CSMD2: variants seen among roughly 807,000 people sequenced by gnomAD.
CSMD2 encodes CUB and Sushi multiple domains 2, also known as CUB and sushi domain-containing protein 2.
A neutral mutation model predicts 398.5 loss-of-function variants in CSMD2; 130 were observed. That is an observed-to-expected ratio of 0.33 (90% confidence interval 0.28 to 0.38). The LOEUF (loss-of-function observed/expected upper bound fraction) is 0.38, where lower values mean the gene tolerates loss of function less well. CSMD2 is among the 10% of genes least tolerant of loss of function. The pLI is 1.00. For missense variants in CSMD2, 3,829 were observed against 4,764.9 expected, an observed-to-expected ratio of 0.80 and a Z score of 5.78; for synonymous variants, 1,828 against 1,908.5, an observed-to-expected ratio of 0.96 and a Z score of 1.10.
chr1:33,918,036 C>A, intron 5 of CSMD2, 58 bp downstream of exon 5: 2 of 1,515,700 alleles, frequency 1.3e-6, no homozygotes, highest in East Asian at 2.3e-5. Flanking sequence ...CTGCAAGCAT[C>A]CCAGTAATTC....
chr1:33,637,361 C>A (rs1642867586), intron 29 of CSMD2, among the ~76,000 whole-genome samples: 1 of 152,210 alleles, frequency 6.6e-6, no homozygotes, highest in African/African-American at 2.4e-5. Flanking sequence ...TTGACCCTTA[C>A]ATGTCTTCCC....
chr1:33,592,273 A>C, intron 44 of CSMD2: 2 of 679,668 alleles, frequency 2.9e-6, no homozygotes, highest in Non-Finnish European at 5.4e-6. Flanking sequence ...AAAGTAGAAG[A>C]GCAGCAATCC....
In CSMD2 at chr1:33,646,725, C is replaced by G; in HGVS notation, c.4697G>C (p.Ser1566Thr). The G allele has an allele frequency of 6.2e-7, 1 of 1,614,198 alleles. No individual in the cohort carries two copies. The highest frequency in any genetic ancestry group is 8.5e-7 in the Non-Finnish European group (1 of 1,180,034). Residue 1566 changes from serine (S) to threonine (T), a missense_variant, in exon 29 of 71, where the codon AGC becomes ACC. By Grantham distance (58) the Ser-to-Thr change is moderately conservative. Coordinates refer to ENST00000373381, the MANE Select transcript of CSMD2 (RefSeq NM_001281956.2). ...GGCGAGGAAGAGGCTGTTGCTGCTG[C>G]TTTCAATGCGGCCTGGGAGCTGGGA... ...YGSQLPGRIESSSNSLFLAFR... is the reference protein window; with the variant it reads ...YGSQLPGRIETSSNSLFLAFR...
rs550214353 is a variant in CSMD2, at chr1:33,651,388, A to C, written c.4586+935T>G. Among the ~76,000 whole-genome samples the C allele has an allele frequency of 3.9e-5, 6 of 152,318 alleles. No homozygotes were observed. In the East Asian group the frequency reaches 1.2e-3, roughly 29 times the overall value. On this transcript the variant is annotated intron_variant, in intron 28 of 70. Coordinates refer to ENST00000373381, the MANE Select transcript of CSMD2 (RefSeq NM_001281956.2). Reference sequence around the variant, plus strand: ...AGAAAAAATATGCTTGATTTTGTACATGCTCATTTGCAGTGTCTGCAGGCC... The same window carrying C: ...AGAAAAAATATGCTTGATTTTGTACCTGCTCATTTGCAGTGTCTGCAGGCC...
intron 26 of CSMD2, 34 bp downstream of exon 26, chr1:33,662,856 T>G (rs571257998): frequency 1.5e-5 from 24 of 1,594,342 alleles, no homozygotes; most frequent in Non-Finnish European, 1.9e-5. Context: ...TGTCAGGACA[T>G]GTGGAGTGGG....
intron 3 of CSMD2, among the ~76,000 whole-genome samples, chr1:34,014,235 T>C (rs886691167): frequency 6.6e-6 from 1 of 152,206 alleles, no homozygotes; most frequent in Non-Finnish European, 1.5e-5. Context: ...GTTCCCACTC[T>C]GCACTCCTTC....
intron 2 of CSMD2, among the ~76,000 whole-genome samples, chr1:34,043,985 CT>C (rs1220486651): frequency 2.4e-4 from 36 of 152,220 alleles, no homozygotes; most frequent in Admixed American, 5.9e-4. Flanking sequence ...CAGAAGAAAA[CT>C]CTTGGAAGCT....
At chr1:33,675,254 C>A (rs1398024683) in intron 25 of CSMD2, among the ~76,000 whole-genome samples, 4 of 151,866 alleles carry the variant, frequency 2.6e-5, no homozygotes, top group Non-Finnish European at 5.9e-5. Flanking sequence ...CAAATAGATG[C>A]AATAAAAAAT....
intron 3 of CSMD2, among the ~76,000 whole-genome samples, chr1:33,964,011 T>C (rs537614559): frequency 6.6e-6 from 1 of 152,312 alleles, no homozygotes; most frequent in Admixed American, 6.5e-5. Flanking sequence ...TCCAAAGTGG[T>C]TGTGCCATTT....
At chr1:34,131,765 A>C (rs1390512295) in intron 1 of CSMD2, among the ~76,000 whole-genome samples, 1 of 152,208 alleles carries the variant, frequency 6.6e-6, no homozygotes, top group South Asian at 2.1e-4. Flanking sequence ...AGCCCAGGCC[A>C]GAGTCTCCAG....
chr1:33,578,083 G>A (rs543132035), intron 48 of CSMD2, among the ~76,000 whole-genome samples: 9 of 152,312 alleles, frequency 5.9e-5, no homozygotes, highest in African/African-American at 2.2e-4. Flanking sequence ...TGCTCAGTAA[G>A]TGGTCATTGT....
chr1:34,097,017 C>T (rs1335718756), intron 1 of CSMD2, among the ~76,000 whole-genome samples: 1 of 149,226 alleles, frequency 6.7e-6, no homozygotes, highest in Non-Finnish European at 1.5e-5. Flanking sequence ...AACTATACCA[C>T]AAGGCTACAG....
chr1:34,050,229 G>A (rs568600851), intron 2 of CSMD2, among the ~76,000 whole-genome samples: 1 of 152,204 alleles, frequency 6.6e-6, no homozygotes, highest in Non-Finnish European at 1.5e-5. Context: ...AACTACCCTG[G>A]TGGCAGTTAG....
At chr1:33,936,492 A>G (rs907485272) in intron 3 of CSMD2, among the ~76,000 whole-genome samples, 10 of 152,214 alleles carry the variant, frequency 6.6e-5, no homozygotes, top group Non-Finnish European at 1.5e-4. Flanking sequence ...CAGAATAGGC[A>G]GTGAAGTGGG....
chr1:33,840,133 T>A (rs568971058), intron 6 of CSMD2: 1 of 152,312 alleles, frequency 6.6e-6, no homozygotes, highest in East Asian at 1.9e-4. Flanking sequence ...GGGAGTAGCA[T>A]GTTCTAGTTC....
chr1:33,819,866 C>T (rs1313252045), intron 8 of CSMD2, 29 bp from the exon 9 acceptor site: 1 of 1,612,310 alleles, frequency 6.2e-7, no homozygotes, highest in South Asian at 1.1e-5. Flanking sequence ...CTGTGAGCTC[C>T]ATCCCTGGGC....
intron 7 of CSMD2, among the ~76,000 whole-genome samples, chr1:33,824,340 C>T (rs1658536240): frequency 6.6e-6 from 1 of 152,210 alleles, no homozygotes; most frequent in African/African-American, 2.4e-5. Context: ...GTCCTTTCCC[C>T]TAAACCCCCA....
chr1:33,683,493 C>G (rs1644971000), intron 25 of CSMD2, among the ~76,000 whole-genome samples: 1 of 152,304 alleles, frequency 6.6e-6, no homozygotes, highest in Non-Finnish European at 1.5e-5. Flanking sequence ...GGTCAACCCA[C>G]AGGGAACGTG....
chr1:34,008,785 A>C (rs1647145294), intron 3 of CSMD2, among the ~76,000 whole-genome samples: 1 of 152,182 alleles, frequency 6.6e-6, no homozygotes, highest in Non-Finnish European at 1.5e-5. Flanking sequence ...TGTAAGTTCC[A>C]TGAGGACAGG....
Sources: gnomAD v4.1 joint callset for allele counts (sites outside exome capture counted in the v4.1 genomes callset) on GRCh38, gnomAD v4.1.1 for gene constraint, MANE v1.5 for transcripts, NCBI Gene and HGNC (gene_info 2026-07-23, HGNC 2026-07-21) for gene names.